ZNF148: variants seen among roughly 807,000 people sequenced by gnomAD.
The protein encoded by ZNF148 is zinc finger protein 148.
A neutral mutation model predicts 67.7 loss-of-function variants in ZNF148; 7 were observed. The observed-to-expected ratio is 0.10, with a 90% CI of 0.06 to 0.19. The LOEUF (loss-of-function observed/expected upper bound fraction) is 0.19. Among genes scored for constraint, ZNF148 ranks in the 10% least tolerant of loss-of-function variants. ZNF148 has a pLI of 1.00. For missense variants in ZNF148, 583 were observed against 947.1 expected, an observed-to-expected ratio of 0.62 and a Z score of 5.05; for synonymous variants, 333 against 330.7, an observed-to-expected ratio of 1.01 and a Z score of -0.08.
chr3:125,330,997 T>C (rs1941267203), intron 2 of ZNF148, among the ~76,000 whole-genome samples, 161 bp downstream of exon 2: 1 of 152,130 alleles, frequency 6.6e-6, no homozygotes, highest in Non-Finnish European at 1.5e-5. Flanking sequence ...TTATTTATAA[T>C]ATTTATAATA....
intron 4 of ZNF148, 120 bp downstream of exon 4, chr3:125,313,188 A>T: frequency 1.5e-6 from 1 of 675,488 alleles, no homozygotes; most frequent in Non-Finnish European, 2.4e-6. Context: ...ATTTTAGTAT[A>T]TCTATTCAAG....
intron 2 of ZNF148, among the ~76,000 whole-genome samples, chr3:125,326,099 T>C (rs1395331376): frequency 6.6e-6 from 1 of 152,032 alleles, no homozygotes; most frequent in Non-Finnish European, 1.5e-5. Context: ...TAACCAAATA[T>C]TGAGAAAATT....
chr3:125,358,040 G>A (rs940406509), intron 1 of ZNF148, among the ~76,000 whole-genome samples: 18 of 152,070 alleles, frequency 1.2e-4, no homozygotes, highest in African/African-American at 4.1e-4. Flanking sequence ...GGACCGGCGC[G>A]GGGACTCAGG....
intron 4 of ZNF148, among the ~76,000 whole-genome samples, chr3:125,297,130 A>T (rs941555906): frequency 6.8e-5 from 4 of 58,822 alleles, no homozygotes; most frequent in African/African-American, 1.8e-4. Context: ...ACCATTAATT[A>T]AAAAAAATAT....
rs145113449 is a variant in ZNF148, at chr3:125,339,594, G to GT, written c.-233-8357dup. Among the ~76,000 whole-genome samples, 1,312 of 152,274 alleles carry GT rather than the reference G, an allele frequency of 8.6e-3. 20 individuals are homozygous for GT. Among genetic ancestry groups the GT allele is most frequent in the African/African-American group, 0.03 (1,234 of 41,540 alleles). On this transcript the variant is annotated intron_variant, in intron 1 of 8. Transcript: ENST00000360647. Reference sequence around the variant, plus strand: ...AACCTTCTGAGTGTCAGATAGTGTGGTTTATAAGTGAAGCACACATTTTAT... The same window carrying GT: ...AACCTTCTGAGTGTCAGATAGTGTGGTTTTATAAGTGAAGCACACATTTTAT...
rs144573422 is a variant in ZNF148 at position 125,238,087 on chromosome 3, C to A, written c.668-3758G>T. Among the ~76,000 whole-genome samples, 1,239 of 151,702 alleles carry A rather than the reference C, an allele frequency of 8.2e-3. 20 individuals carry two copies. The highest frequency in any genetic ancestry group is 0.028 in the African/African-American group (1,169 of 41,338). ...CACATACAAAAGAATGAAGTTAGAC[C>A]CCCCCCAACCAACTCCCACACCTCT... On this transcript the variant is annotated intron_variant, in intron 7 of 8. Transcript: ENST00000360647.
chr3:125,281,693 AT>A (rs1286920746), intron 5 of ZNF148, among the ~76,000 whole-genome samples: 1 of 152,236 alleles, frequency 6.6e-6, no homozygotes, highest in African/African-American at 2.4e-5. Flanking sequence ...TTCATTGTAG[AT>A]TCAAGCCTTA....
chr3:125,363,021 T>C (rs1942591941), intron 1 of ZNF148, among the ~76,000 whole-genome samples: 1 of 152,200 alleles, frequency 6.6e-6, no homozygotes, highest in African/African-American at 2.4e-5. Flanking sequence ...TGGAGCCTCC[T>C]ATAATTCTCA....
At chr3:125,312,681 A>C (rs1211305381) in intron 4 of ZNF148, among the ~76,000 whole-genome samples, 1 of 152,204 alleles carries the variant, frequency 6.6e-6, no homozygotes, top group Non-Finnish European at 1.5e-5. Context: ...AACTGAAAGG[A>C]ACCCAGGTTT....
At chr3:125,260,574 C>T (rs1043565512) in intron 7 of ZNF148, among the ~76,000 whole-genome samples, 5 of 152,072 alleles carry the variant, frequency 3.3e-5, no homozygotes, top group Non-Finnish European at 7.4e-5. Context: ...ACTACAGAGA[C>T]AAAAATCTTA....
intron 5 of ZNF148, 68 bp from the exon 6 acceptor site, chr3:125,279,315 TA>T (rs1327401337): frequency 7.0e-5 from 90 of 1,290,588 alleles, no homozygotes; most frequent in Middle Eastern, 2.6e-4. Flanking sequence ...ATAGTAATTT[TA>T]AAAAAAAGAT....
chr3:125,261,829 T>TTC (rs1937356902), intron 7 of ZNF148, among the ~76,000 whole-genome samples: 1 of 150,076 alleles, frequency 6.7e-6, no homozygotes, highest in Non-Finnish European at 1.5e-5. Flanking sequence ...TGACAAGTTT[T>TTC]TTTTTTTTTT....
At chr3:125,289,438 A>G (rs780680353) in intron 4 of ZNF148, among the ~76,000 whole-genome samples, 22 of 152,226 alleles carry the variant, frequency 1.4e-4, no homozygotes, top group Non-Finnish European at 3.1e-4. Context: ...ATGATTATTT[A>G]TTTAGCTAGT....
chr3:125,277,415 T>C (rs1270529797), intron 7 of ZNF148, among the ~76,000 whole-genome samples: 2 of 152,198 alleles, frequency 1.3e-5, no homozygotes, highest in African/African-American at 4.8e-5. Context: ...CCCAGACTAA[T>C]TAACGATAAT....
chr3:125,286,037 C>G (rs1205856945), intron 5 of ZNF148, among the ~76,000 whole-genome samples: 1 of 152,074 alleles, frequency 6.6e-6, no homozygotes, highest in Non-Finnish European at 1.5e-5. Flanking sequence ...GTCAGAATTT[C>G]AAGAAGAGAG....
At chr3:125,273,575 C>T (rs1434571827) in intron 7 of ZNF148, among the ~76,000 whole-genome samples, 1 of 149,436 alleles carries the variant, frequency 6.7e-6, no homozygotes, top group Non-Finnish European at 1.5e-5. Context: ...CTCACCACAA[C>T]CTCCGCCTCC....
At chr3:125,317,662 T>TATATATATATATATATAGAGAGAGAGAG (rs752542874) in intron 3 of ZNF148, among the ~76,000 whole-genome samples, 1 of 90,024 alleles carries the variant, frequency 1.1e-5, no homozygotes, top group African/African-American at 4.5e-5. Flanking sequence ...TATATATATA[T>TATATATATATATATATAGAGAGAGAGAG]AGAGAGAGAG....
chr3:125,363,411 A>G (rs1942603731), intron 1 of ZNF148, among the ~76,000 whole-genome samples: 2 of 152,178 alleles, frequency 1.3e-5, no homozygotes, highest in African/African-American at 2.4e-5. Context: ...ACACAGGTCA[A>G]TGTGTCTTAA....
chr3:125,292,037 G>A (rs1939044954), intron 4 of ZNF148, among the ~76,000 whole-genome samples: 1 of 152,168 alleles, frequency 6.6e-6, no homozygotes, highest in African/African-American at 2.4e-5. Context: ...TCCAGAAAAG[G>A]AGAAATTTAA....
Sources: gnomAD v4.1 joint callset for allele counts (sites outside exome capture counted in the v4.1 genomes callset) on GRCh38, gnomAD v4.1.1 for gene constraint, MANE v1.5 for transcripts, NCBI Gene and HGNC (gene_info 2026-07-23, HGNC 2026-07-21) for gene names.